The following MBNL3 variants were observed in gnomAD, a reference collection of about 807,000 sequenced individuals.
MBNL3 encodes the protein muscleblind like splicing regulator 3, also known as muscleblind-like protein 3.
Under a neutral mutation model 24.5 loss-of-function variants are expected in MBNL3, and 6 were observed. The observed-to-expected ratio is 0.25, with a 90% CI of 0.13 to 0.48. The LOEUF is 0.48. Among genes scored for constraint, MBNL3 ranks in the 20% least tolerant of loss-of-function variants. MBNL3 has a pLI of 0.99. For missense variants in MBNL3, 230 were observed against 293.5 expected, an observed-to-expected ratio of 0.78 and a Z score of 1.58; for synonymous variants, 100 against 101.7, an observed-to-expected ratio of 0.98 and a Z score of 0.10.
chrX:132,424,741 T>C lies in MBNL3; in HGVS notation c.177+14694A>G, dbSNP rs1288729061. Among the ~76,000 whole-genome samples the C allele has an allele frequency of 3.6e-5, 4 of 110,204 alleles. No individual in the cohort carries two copies. The East Asian group carries it at 1.1e-3, about 31-fold the overall frequency. ...CTCAATGGGTGTCTCTTAACTTCTTTCTTTCTTCACCCACTCCCTCTCTCC... is the reference window on the plus strand; with the variant it reads ...CTCAATGGGTGTCTCTTAACTTCTTCCTTTCTTCACCCACTCCCTCTCTCC... On this transcript the variant is annotated intron_variant, in intron 2 of 8. Coordinates refer to ENST00000370853, the MANE Select transcript of MBNL3 (RefSeq NM_001386889.1).
intron 1 of MBNL3, among the ~76,000 whole-genome samples, chrX:132,456,889 C>T (rs1414538867): frequency 1.8e-5 from 2 of 111,699 alleles, no homozygotes; most frequent in Non-Finnish European, 3.8e-5. Context: ...AACTGCTTGA[C>T]ATAGTGGGTT....
At chrX:132,466,078 G>A (rs1946866706) in intron 1 of MBNL3, among the ~76,000 whole-genome samples, 1 of 111,999 alleles carries the variant, frequency 8.9e-6, no homozygotes, top group South Asian at 3.7e-4. Flanking sequence ...CAGGCAAGGA[G>A]ATCCATAAGA....
At chrX:132,398,245 G>A (rs1247579024) in intron 3 of MBNL3, among the ~76,000 whole-genome samples, 2 of 110,846 alleles carry the variant, frequency 1.8e-5, no homozygotes, top group Non-Finnish European at 3.8e-5. Context: ...ATATTTGCTG[G>A]GAGGAGAAAT....
At chrX:132,457,308 T>C (rs113100234) in intron 1 of MBNL3, among the ~76,000 whole-genome samples, 1 of 111,363 alleles carries the variant, frequency 9.0e-6, no homozygotes, top group African/African-American at 3.3e-5. Flanking sequence ...AATACTGAAG[T>C]CAAACAAGCA....
At chrX:132,423,276 G>T (rs1398717866) in intron 2 of MBNL3, among the ~76,000 whole-genome samples, 14 of 111,512 alleles carry the variant, frequency 1.3e-4, no homozygotes. Context: ...GCTTACATTT[G>T]CTGTATAAAC....
intron 2 of MBNL3, among the ~76,000 whole-genome samples, chrX:132,420,131 T>TA (rs1242455081): frequency 9.0e-6 from 1 of 111,598 alleles, no homozygotes; most frequent in Non-Finnish European, 1.9e-5. Flanking sequence ...CAGTGAGTCT[T>TA]ACAGTTCTAA....
chrX:132,480,001 A>G (rs1476201675), intron 1 of MBNL3, among the ~76,000 whole-genome samples: 2 of 111,400 alleles, frequency 1.8e-5, no homozygotes. Context: ...TTGAAGGCTT[A>G]GGAAGCTAAG....
At chrX:132,424,758 C>G (rs1944146465) in intron 2 of MBNL3, among the ~76,000 whole-genome samples, 1 of 109,497 alleles carries the variant, frequency 9.1e-6, no homozygotes, top group South Asian at 4.0e-4. Context: ...TCACCCACTC[C>G]CTCTCTCCCT....
chrX:132,384,808 A>G, intron 6 of MBNL3, 110 bp from the exon 7 acceptor site: 6 of 622,801 alleles, frequency 9.6e-6, no homozygotes, highest in Non-Finnish European at 1.4e-5. Context: ...AATATCAATT[A>G]CTCAGCACAT....
chrX:132,426,674 T>C (rs924547589), intron 2 of MBNL3, among the ~76,000 whole-genome samples: 78 of 111,559 alleles, frequency 7.0e-4, no homozygotes, highest in African/African-American at 2.5e-3. Flanking sequence ...CATGACTCCA[T>C]CTTCAACCAC....
At chrX:132,451,544 G>A (rs1332299201) in intron 1 of MBNL3, among the ~76,000 whole-genome samples, 6 of 111,769 alleles carry the variant, frequency 5.4e-5, no homozygotes, top group Admixed American at 2.8e-4. Context: ...ATCCCAGGTC[G>A]ACTTCAGACT....
At chrX:132,420,480 A>G (rs1351643141) in intron 2 of MBNL3, among the ~76,000 whole-genome samples, 4 of 111,588 alleles carry the variant, frequency 3.6e-5, no homozygotes, top group African/African-American at 1.3e-4. Flanking sequence ...GGGGACCCAA[A>G]GGGGGTTGCC....
intron 2 of MBNL3, chrX:132,429,701 A>T (rs1314070206): frequency 8.9e-6 from 1 of 112,130 alleles, no homozygotes; most frequent in African/African-American, 3.2e-5. Context: ...AAAACTTCAC[A>T]GACAGTCCCA....
At position 132,396,615 on chromosome X, in the gene MBNL3, CATATATATATT is replaced by C. The variant is rs1569424783; in HGVS notation, c.343-4292_343-4282del. On this transcript the variant is annotated intron_variant, in intron 3 of 8. Transcript: ENST00000370853. ...TCCTATATATATTCCTATATATATT[CATATATATATT>C]CATATATATTCACATATATATATTC... 1.2e-3 allele frequency among the ~76,000 whole-genome samples: 47 copies of C among 39,062 alleles called. 2 individuals are homozygous for C. The East Asian group carries it at 0.025, about 21-fold the overall frequency. The allele number at this position is 39,062 out of a possible 115,157, so 33.9% of individuals were successfully genotyped here. A position where few individuals can be genotyped will look rare whatever the true frequency, so the allele number is the denominator to read the frequency against.
At chrX:132,441,529 C>A (rs1226341870) in intron 1 of MBNL3, among the ~76,000 whole-genome samples, 2 of 112,202 alleles carry the variant, frequency 1.8e-5, no homozygotes, top group African/African-American at 3.2e-5. Flanking sequence ...GTTGAAGTTG[C>A]AGGCAAATGA....
chrX:132,382,759 C>T (rs772732196), intron 7 of MBNL3, among the ~76,000 whole-genome samples: 1 of 111,901 alleles, frequency 8.9e-6, no homozygotes, highest in Non-Finnish European at 1.9e-5. Flanking sequence ...ACTAGATTTG[C>T]AGGTGCAAAC....
At chrX:132,428,514 T>TAA (rs56677705) in intron 2 of MBNL3, among the ~76,000 whole-genome samples, 5 of 94,632 alleles carry the variant, frequency 5.3e-5, no homozygotes, top group African/African-American at 1.1e-4. Context: ...CATCAAAAAT[T>TAA]AAAAAAAAAA....
intron 3 of MBNL3, among the ~76,000 whole-genome samples, chrX:132,396,617 T>C (rs181542664): frequency 0.019 from 693 of 35,789 alleles, 35 homozygotes; most frequent in Middle Eastern, 0.047. Context: ...TATATATTCA[T>C]ATATATATTC....
chrX:132,443,724 C>T (rs1477149723), intron 1 of MBNL3, among the ~76,000 whole-genome samples: 1 of 111,417 alleles, frequency 9.0e-6, no homozygotes, highest in African/African-American at 3.3e-5. Flanking sequence ...GAATGATACA[C>T]CAAGCACTAT....
Sources: gnomAD v4.1 joint callset for allele counts (sites outside exome capture counted in the v4.1 genomes callset) on GRCh38, gnomAD v4.1.1 for gene constraint, MANE v1.5 for transcripts, NCBI Gene and HGNC (gene_info 2026-07-23, HGNC 2026-07-21) for gene names.